The following LARGE1 variants were observed in gnomAD, a reference collection of about 807,000 sequenced individuals.
The protein encoded by LARGE1 is xylosyl- and glucuronyltransferase LARGE1.
Under a neutral mutation model 87.6 loss-of-function variants are expected in LARGE1, and 43 were observed. The observed-to-expected ratio is 0.49, with a 90% CI of 0.38 to 0.63. The LOEUF (loss-of-function observed/expected upper bound fraction) is 0.63. Among genes scored for constraint, LARGE1 ranks in the 30% least tolerant of loss-of-function variants. LARGE1 has a pLI of 0.00. For synonymous variants in LARGE1, 434 were observed against 394.6 expected (o/e 1.10, Z -1.18); for missense variants, 802 against 1,000.2 (o/e 0.80, Z 2.67).
chr22:33,202,280 C>T (rs185881292), intron 11 of LARGE1, among the ~76,000 whole-genome samples: 5 of 152,238 alleles, frequency 3.3e-5, no homozygotes, highest in East Asian at 1.9e-4. Flanking sequence ...TATGATCCAC[C>T]GTTTCTGTAC....
At chr22:33,375,296 T>C (rs962676826) in intron 9 of LARGE1, among the ~76,000 whole-genome samples, 1 of 152,182 alleles carries the variant, frequency 6.6e-6, no homozygotes, top group African/African-American at 2.4e-5. Flanking sequence ...CAATTTTCTC[T>C]CTCCAAAGTT....
chr22:33,149,902 C>G, the LARGE1 span, among the ~76,000 whole-genome samples: 3 of 152,158 alleles, frequency 2.0e-5, no homozygotes, highest in African/African-American at 7.2e-5. Context: ...GTCTGAATTT[C>G]TATTCTGCTC....
At chr22:33,824,591 G>A (rs1374433048) in intron 1 of LARGE1, among the ~76,000 whole-genome samples, 1 of 152,144 alleles carries the variant, frequency 6.6e-6, no homozygotes, top group Non-Finnish European at 1.5e-5. Flanking sequence ...ACTCATTCAT[G>A]TTATTCCTTT....
chr22:33,089,368 T>TCTCCTC, the LARGE1 span, among the ~76,000 whole-genome samples: 860 of 78,270 alleles, frequency 0.011, 19 homozygotes, highest in African/African-American at 0.038. Flanking sequence ...TTCTTCTTCT[T>TCTCCTC]CTCCTTCTTC....
intron 11 of LARGE1, among the ~76,000 whole-genome samples, chr22:33,239,030 A>G (rs918290527): frequency 2.0e-5 from 3 of 152,144 alleles, no homozygotes; most frequent in Non-Finnish European, 2.9e-5. Flanking sequence ...GTTATCTTCA[A>G]AAAACAAATA....
chr22:33,266,934 G>C lies in LARGE1; in HGVS notation c.1730+37295C>G, dbSNP rs531810859. 4.1e-4 allele frequency among the ~76,000 whole-genome samples: 62 copies of C among 151,600 alleles called. 2 individuals carry two copies. The highest frequency in any genetic ancestry group is 1.5e-3 in the African/African-American group (61 of 41,044). On this transcript the variant is annotated intron_variant, in intron 11 of 11. Transcript: ENST00000608642. ...AATCTCACCAAGCCTCAGTTTCCTC[G>C]TCTAGTAAATAATATCTTCTCATGG... is the stretch of plus-strand genomic sequence containing the variant.
intron 7 of LARGE1, among the ~76,000 whole-genome samples, chr22:33,419,666 T>C (rs2066623289): frequency 8.5e-6 from 1 of 117,190 alleles, no homozygotes; most frequent in Admixed American, 8.8e-5. Context: ...AGATGAATCT[T>C]TGTTTTTGTT....
chr22:33,782,537 G>C (rs5754669), intron 1 of LARGE1, among the ~76,000 whole-genome samples: 2 of 152,256 alleles, frequency 1.3e-5, no homozygotes, highest in Non-Finnish European at 2.9e-5. Flanking sequence ...TGAAGAGTCA[G>C]GGCTTCATCA....
At chr22:33,096,197 C>T in the LARGE1 span, among the ~76,000 whole-genome samples, 1 of 152,096 alleles carries the variant, frequency 6.6e-6, no homozygotes, top group Non-Finnish European at 1.5e-5. Context: ...GGGTGGATCA[C>T]GTGAGGTCAG....
At chr22:33,340,453 C>T (rs992720655) in intron 9 of LARGE1, among the ~76,000 whole-genome samples, 2 of 151,938 alleles carry the variant, frequency 1.3e-5, no homozygotes, top group Non-Finnish European at 2.9e-5. Flanking sequence ...CCATCAAAAA[C>T]AGCTAAGCCA....
At chr22:33,739,634 C>T (rs760889651) in intron 2 of LARGE1, among the ~76,000 whole-genome samples, 12 of 152,178 alleles carry the variant, frequency 7.9e-5, no homozygotes, top group East Asian at 3.9e-4. Context: ...CTCACTGAAA[C>T]GCATCTGCAG....
chr22:33,502,898 ATG>A (rs2070543915), intron 6 of LARGE1, among the ~76,000 whole-genome samples: 1 of 151,888 alleles, frequency 6.6e-6, no homozygotes, highest in South Asian at 2.1e-4. Flanking sequence ...AGTCCCTGCT[ATG>A]CTCTAGGCCT....
chr22:33,132,179 CTTAT>C, the LARGE1 span, among the ~76,000 whole-genome samples: 3 of 151,972 alleles, frequency 2.0e-5, no homozygotes, highest in Non-Finnish European at 2.9e-5. Context: ...TGTGTATTTA[CTTAT>C]TTATTTATTT....
chr22:33,899,168 G>A (rs1001328096), intron 1 of LARGE1, among the ~76,000 whole-genome samples: 4 of 152,090 alleles, frequency 2.6e-5, no homozygotes, highest in South Asian at 4.1e-4. Flanking sequence ...TGTACAAGGC[G>A]GCCATATAAC....
intron 2 of LARGE1, among the ~76,000 whole-genome samples, chr22:33,688,067 C>A (rs1233124504): frequency 5.3e-5 from 8 of 152,142 alleles, no homozygotes; most frequent in African/African-American, 1.9e-4. Flanking sequence ...AAGTAAGTAA[C>A]AATGTCAGGA....
chr22:33,533,678 C>T (rs1361009362), intron 6 of LARGE1, among the ~76,000 whole-genome samples: 2 of 152,148 alleles, frequency 1.3e-5, no homozygotes, highest in Non-Finnish European at 2.9e-5. Context: ...TCTCATGAGT[C>T]TAAAGTCATC....
intron 11 of LARGE1, among the ~76,000 whole-genome samples, chr22:33,184,586 A>C (rs1168275222): frequency 6.6e-6 from 1 of 151,802 alleles, no homozygotes; most frequent in Non-Finnish European, 1.5e-5. Flanking sequence ...CAAATTAGGA[A>C]GTCTACCAGA....
chr22:33,834,871 A>T (rs1006205415), intron 1 of LARGE1, among the ~76,000 whole-genome samples: 2 of 152,242 alleles, frequency 1.3e-5, no homozygotes, highest in African/African-American at 4.8e-5. Flanking sequence ...TTATGAAAAA[A>T]ATCAGGCAGA....
intron 11 of LARGE1, among the ~76,000 whole-genome samples, chr22:33,246,788 T>A (rs1404625281): frequency 6.6e-6 from 1 of 152,234 alleles, no homozygotes; most frequent in Non-Finnish European, 1.5e-5. Context: ...AATGTATATA[T>A]GACATAGAGT....
Sources: gnomAD v4.1 joint callset for allele counts (sites outside exome capture counted in the v4.1 genomes callset) on GRCh38, gnomAD v4.1.1 for gene constraint, MANE v1.5 for transcripts, NCBI Gene and HGNC (gene_info 2026-07-23, HGNC 2026-07-21) for gene names.